OPTC: variants seen among roughly 807,000 people sequenced by gnomAD.
OPTC encodes the protein opticin, also known as oculoglycan.
Under a neutral mutation model 25.4 loss-of-function variants are expected in OPTC, and 22 were observed. That is an observed-to-expected ratio of 0.87 (90% CI 0.62 to 1.24). The LOEUF (loss-of-function observed/expected upper bound fraction) is 1.24. Among genes scored for constraint, OPTC ranks in the 50% most tolerant of loss-of-function variants. OPTC has a pLI of 0.00. For missense variants in OPTC, 417 were observed against 425.2 expected, an observed-to-expected ratio of 0.98 and a Z score of 0.17; for synonymous variants, 169 against 179.3, an observed-to-expected ratio of 0.94 and a Z score of 0.46.
intron 4 of OPTC, 127 bp from the exon 5 acceptor site, chr1:203,499,522 G>A: frequency 1.2e-6 from 1 of 833,692 alleles, no homozygotes; most frequent in Non-Finnish European, 2.1e-6. Flanking sequence ...CCTAGTGCAG[G>A]TGGAGAGCTG....
At chr1:203,496,319 C>A in intron 2 of OPTC, 83 bp downstream of exon 2, 1 of 955,536 alleles carries the variant, frequency 1.0e-6, no homozygotes, top group South Asian at 1.3e-5. Flanking sequence ...CCCCAAAGTG[C>A]GGGTGTCTCC....
intron 6 of OPTC, among the ~76,000 whole-genome samples, chr1:203,503,288 CCT>C (rs1661421549): frequency 2.0e-5 from 3 of 151,938 alleles, no homozygotes; most frequent in Admixed American, 2.0e-4. Context: ...TTTTTCCTAC[CCT>C]CTGTCTCTTT....
intron 1 of OPTC, 29 bp from the exon 2 acceptor site, chr1:203,495,936 C>T (rs1211878976): frequency 4.4e-5 from 45 of 1,024,288 alleles, no homozygotes; most frequent in Middle Eastern, 4.2e-4. Flanking sequence ...TCCCTCAGAT[C>T]GCTGCCCTTC....
intron 1 of OPTC, 71 bp from the exon 2 acceptor site, chr1:203,495,894 C>T (rs1021126528): frequency 2.1e-5 from 16 of 748,430 alleles, no homozygotes; most frequent in African/African-American, 1.0e-4. Flanking sequence ...AGTAAATCTG[C>T]GAGCCATTCC....
intron 7 of OPTC, among the ~76,000 whole-genome samples, chr1:203,506,904 A>T (rs1661499797): frequency 6.6e-6 from 1 of 152,216 alleles, no homozygotes; most frequent in Non-Finnish European, 1.5e-5. Flanking sequence ...AGCTCCAGAG[A>T]GTTTCTTTCC....
Position 203,498,741 on chromosome 1 carries a change from A to T in OPTC, c.431A>T (p.Asp144Val), listed in dbSNP as rs1393841811. The T allele has an allele frequency of 2.5e-6, 4 of 1,614,076 alleles. No homozygotes were observed. Among genetic ancestry groups the T allele is most frequent in the African/African-American group, 1.3e-5 (1 of 75,010 alleles). Residue 144 changes from aspartate to valine, a missense_variant, in exon 4 of 8, where the codon GAC becomes GTC. Asp to Val is a radical substitution (Grantham distance 152). Coordinates refer to ENST00000367222, the MANE Select transcript of OPTC (RefSeq NM_014359.4). ...TCCTCTGTGTATTGCGATGACATTGACCTAGAGGACATTCCTCCTCTTCCT... is the reference window on the plus strand; with the variant it reads ...TCCTCTGTGTATTGCGATGACATTGTCCTAGAGGACATTCCTCCTCTTCCT... ...LGSSVYCDDI[D>V]LEDIPPLPRR... is the part of the protein sequence containing the mutation.
chr1:203,498,504 G>A (rs1453005439), intron 3 of OPTC, among the ~76,000 whole-genome samples, 177 bp from the exon 4 acceptor site: 1 of 152,200 alleles, frequency 6.6e-6, no homozygotes, highest in Non-Finnish European at 1.5e-5. Flanking sequence ...GTAGAGGACA[G>A]AGTGACAGGG....
At chr1:203,502,538 T>C (rs1322795499) in intron 5 of OPTC, among the ~76,000 whole-genome samples, 1 of 152,180 alleles carries the variant, frequency 6.6e-6, no homozygotes, top group Non-Finnish European at 1.5e-5. Context: ...AGACTTGTCA[T>C]TGGGGAAAGT....
chr1:203,497,144 T>A (rs775246938), intron 3 of OPTC, 29 bp downstream of exon 3: 1 of 1,613,150 alleles, frequency 6.2e-7, no homozygotes, highest in South Asian at 1.1e-5. Flanking sequence ...GGTCGCAATA[T>A]CCCTAGGTCA....
At chr1:203,499,916 C>T in intron 5 of OPTC, 65 bp downstream of exon 5, 1 of 1,322,654 alleles carries the variant, frequency 7.6e-7, no homozygotes, top group South Asian at 1.2e-5. Flanking sequence ...CCACCCACCT[C>T]CACCACCTAC....
chr1:203,506,917 A>C (rs1661500430), intron 7 of OPTC, among the ~76,000 whole-genome samples: 1 of 152,236 alleles, frequency 6.6e-6, no homozygotes, highest in Admixed American at 6.5e-5. Context: ...TTCTTTCCCC[A>C]GGCCATTGCT....
chr1:203,495,828 G>A (rs1395141521), intron 1 of OPTC, 137 bp from the exon 2 acceptor site: 4 of 645,552 alleles, frequency 6.2e-6, no homozygotes, highest in Non-Finnish European at 8.5e-6. Context: ...CAGCTGGTAG[G>A]GAATTTGTGC....
chr1:203,506,795 T>C (rs966383888), intron 7 of OPTC, among the ~76,000 whole-genome samples: 1 of 152,214 alleles, frequency 6.6e-6, no homozygotes, highest in African/African-American at 2.4e-5. Flanking sequence ...GTGGCAGAGC[T>C]AGGATTCAAT....
At chr1:203,498,183 C>T (rs1661309369) in intron 3 of OPTC, among the ~76,000 whole-genome samples, 1 of 152,152 alleles carries the variant, frequency 6.6e-6, no homozygotes, top group Non-Finnish European at 1.5e-5. Context: ...ATGCTGATGC[C>T]ATAAGAAGGG....
At position 203,496,004 on chromosome 1, in the gene OPTC, C is replaced by T; in HGVS notation, c.-2C>T. 1 of 1,608,234 alleles carries T rather than the reference C, an allele frequency of 6.2e-7. No homozygotes were observed. The highest frequency in any genetic ancestry group is 8.5e-7 in the Non-Finnish European group (1 of 1,176,566). ...GGGATTCTCAGTCCCATCTGACTCC[C>T]CATGAGGCTCCTGGCTTTCCTGAGT... On this transcript the variant is annotated 5_prime_UTR_variant, in exon 2 of 8. Transcript: ENST00000367222.
intron 1 of OPTC, among the ~76,000 whole-genome samples, chr1:203,494,735 G>A (rs1008149552): frequency 7.2e-5 from 11 of 152,174 alleles, no homozygotes; most frequent in Admixed American, 6.5e-4. Context: ...TGTGCAGCTA[G>A]CTTTGGGGAG....
chr1:203,500,533 C>T (rs1419801037), intron 5 of OPTC, among the ~76,000 whole-genome samples: 1 of 151,678 alleles, frequency 6.6e-6, no homozygotes, highest in Admixed American at 6.6e-5. Flanking sequence ...CCATCACCAC[C>T]ACCCACTGTT....
At chr1:203,495,438 C>T (rs181627190) in intron 1 of OPTC, among the ~76,000 whole-genome samples, 1 of 152,288 alleles carries the variant, frequency 6.6e-6, no homozygotes, top group South Asian at 2.1e-4. Flanking sequence ...TTCGCTTGAA[C>T]CCAGAAGGCG....
At chr1:203,498,618 C>G (rs758175495) in intron 3 of OPTC, 63 bp from the exon 4 acceptor site, 1 of 1,597,694 alleles carries the variant, frequency 6.3e-7, no homozygotes, top group Non-Finnish European at 8.6e-7. Flanking sequence ...CTCCCTGGGG[C>G]GAGGGCCATT....
Sources: allele counts gnomAD v4.1 joint callset (sites outside exome capture counted in the v4.1 genomes callset), GRCh38; gene constraint gnomAD v4.1.1; transcripts MANE v1.5; gene names NCBI Gene and HGNC (gene_info 2026-07-23, HGNC 2026-07-21).